JARID2: variants seen among roughly 807,000 people sequenced by gnomAD.
The protein encoded by JARID2 is jumonji and AT-rich interaction domain containing 2.
Under a neutral mutation model 125.6 loss-of-function variants are expected in JARID2, and 21 were observed. That is an observed-to-expected ratio of 0.17 (90% confidence interval 0.12 to 0.24). The LOEUF (loss-of-function observed/expected upper bound fraction) is 0.24. Among genes scored for constraint, JARID2 ranks in the 10% least tolerant of loss-of-function variants. JARID2 has a pLI of 1.00. For synonymous variants in JARID2, 736 were observed against 661.6 expected (o/e 1.11, Z -1.73); for missense variants, 1,303 against 1,639.6 (o/e 0.79, Z 3.55).
intron 1 of JARID2, among the ~76,000 whole-genome samples, chr6:15,315,427 C>T (rs1193491037): frequency 6.6e-6 from 1 of 152,174 alleles, no homozygotes; most frequent in Non-Finnish European, 1.5e-5. Context: ...GTTGCTTTGT[C>T]TTGGAGAACT....
At chr6:15,253,513 C>T (rs1025818596) in intron 1 of JARID2, among the ~76,000 whole-genome samples, 1 of 152,170 alleles carries the variant, frequency 6.6e-6, no homozygotes, top group African/African-American at 2.4e-5. Flanking sequence ...TTCTTGCTCT[C>T]TTAGGCTGTA....
At chr6:15,314,527 G>T (rs1002195030) in intron 1 of JARID2, among the ~76,000 whole-genome samples, 1 of 152,146 alleles carries the variant, frequency 6.6e-6, no homozygotes. Flanking sequence ...GTTCTTATAG[G>T]CAGGGCTTAG....
chr6:15,471,586 C>T (rs991382667), intron 5 of JARID2, among the ~76,000 whole-genome samples: 2 of 152,152 alleles, frequency 1.3e-5, no homozygotes, highest in South Asian at 2.1e-4. Context: ...GAGTTAATCC[C>T]ATGTATACTA....
intron 1 of JARID2, among the ~76,000 whole-genome samples, chr6:15,342,860 A>G (rs1763114409): frequency 6.6e-6 from 1 of 152,162 alleles, no homozygotes; most frequent in African/African-American, 2.4e-5. Flanking sequence ...TTAGGAAATT[A>G]TTACTGAGGT....
At chr6:15,346,955 C>G (rs191801846) in intron 1 of JARID2, among the ~76,000 whole-genome samples, 78 of 152,168 alleles carry the variant, frequency 5.1e-4, no homozygotes, top group Middle Eastern at 3.4e-3. Flanking sequence ...AGGCTGCTCT[C>G]GAACTCCTGA....
At chr6:15,471,542 G>A (rs1170040835) in intron 5 of JARID2, among the ~76,000 whole-genome samples, 3 of 152,108 alleles carry the variant, frequency 2.0e-5, no homozygotes, top group Non-Finnish European at 4.4e-5. Flanking sequence ...TATGCTGATT[G>A]GGCAGGTGAA....
chr6:15,289,582 C>T (rs1188560483), intron 1 of JARID2, among the ~76,000 whole-genome samples: 2 of 151,698 alleles, frequency 1.3e-5, no homozygotes, highest in Non-Finnish European at 2.9e-5. Context: ...TAAGGCCGGG[C>T]GCAGTGAGTC....
At chr6:15,391,420 G>T (rs1310382301) in intron 2 of JARID2, among the ~76,000 whole-genome samples, 1 of 152,212 alleles carries the variant, frequency 6.6e-6, no homozygotes, top group East Asian at 1.9e-4. Context: ...GCATGTAATG[G>T]AGGCTAGATC....
At chr6:15,406,054 G>A (rs1440637470) in intron 2 of JARID2, among the ~76,000 whole-genome samples, 1 of 152,182 alleles carries the variant, frequency 6.6e-6, no homozygotes, top group Non-Finnish European at 1.5e-5. Context: ...TTTCTGGGCT[G>A]ATATATACAG....
intron 17 of JARID2, 63 bp downstream of exon 17, chr6:15,517,331 G>C: frequency 8.7e-7 from 1 of 1,151,414 alleles, no homozygotes; most frequent in Admixed American, 1.7e-5. Context: ...CTCCCGGCTG[G>C]ATGTAGGCAC....
intron 2 of JARID2, among the ~76,000 whole-genome samples, chr6:15,385,949 G>A (rs1764768816): frequency 6.6e-6 from 1 of 152,008 alleles, no homozygotes; most frequent in African/African-American, 2.4e-5. Context: ...CTTGGAATAG[G>A]GTCAGCCTTG....
In JARID2 at chr6:15,308,725, G is replaced by T. The variant is rs375466727; in HGVS notation, c.45+62141G>T. ...GGATAAGCCAGACTCTCCCTACTTT[G>T]AAAAGACAGGAATTGTAAAAACACG... On this transcript the variant is annotated intron_variant, in intron 1 of 17. Coordinates refer to ENST00000341776, the MANE Select transcript of JARID2 (RefSeq NM_004973.4). Among the ~76,000 whole-genome samples, 5 of 152,302 alleles carry T rather than the reference G, an allele frequency of 3.3e-5. No individual in the cohort carries two copies. The South Asian group carries it at 6.2e-4, about 19-fold the overall frequency.
At chr6:15,315,682 G>A (rs572576110) in intron 1 of JARID2, among the ~76,000 whole-genome samples, 73 of 152,246 alleles carry the variant, frequency 4.8e-4, no homozygotes, top group African/African-American at 1.5e-3. Flanking sequence ...GTGGTTGTCC[G>A]GAAGTTACCA....
chr6:15,304,911 C>T (rs794785), intron 1 of JARID2, among the ~76,000 whole-genome samples: 19,984 of 151,784 alleles, frequency 0.13, 1,336 homozygotes, highest in African/African-American at 0.14. Context: ...GCAGCTGTTT[C>T]CAGCATGTGT....
chr6:15,379,339 G>A (rs1246336471), intron 2 of JARID2, among the ~76,000 whole-genome samples: 1 of 152,136 alleles, frequency 6.6e-6, no homozygotes, highest in Non-Finnish European at 1.5e-5. Context: ...TTTTGTTGTA[G>A]ATAATGCCAC....
At chr6:15,267,729 G>A (rs1415487910) in intron 1 of JARID2, among the ~76,000 whole-genome samples, 6 of 152,136 alleles carry the variant, frequency 3.9e-5, no homozygotes, top group Admixed American at 3.9e-4. Context: ...GTCTGCCAGT[G>A]CTTTGTTACT....
At chr6:15,396,019 C>T (rs1005284544) in intron 2 of JARID2, among the ~76,000 whole-genome samples, 1 of 152,112 alleles carries the variant, frequency 6.6e-6, no homozygotes, top group Non-Finnish European at 1.5e-5. Flanking sequence ...AGGTAAACAG[C>T]TTTTTTGTGA....
At chr6:15,492,669 C>T (rs979654123) in intron 6 of JARID2, among the ~76,000 whole-genome samples, 8 of 152,186 alleles carry the variant, frequency 5.3e-5, no homozygotes, top group Admixed American at 3.9e-4. Context: ...CATGGAGCAG[C>T]TTAAGGGGCT....
chr6:15,318,774 G>A (rs978865971), intron 1 of JARID2, among the ~76,000 whole-genome samples: 2 of 152,180 alleles, frequency 1.3e-5, no homozygotes, highest in African/African-American at 2.4e-5. Flanking sequence ...TGAGATTCCC[G>A]GATTGCTCAG....
Sources: allele counts gnomAD v4.1 joint callset (sites outside exome capture counted in the v4.1 genomes callset), GRCh38; gene constraint gnomAD v4.1.1; transcripts MANE v1.5; gene names NCBI Gene and HGNC (gene_info 2026-07-23, HGNC 2026-07-21).